Variants in TPR observed in about 807,000 individuals in gnomAD.
TPR encodes nucleoprotein TPR.
In TPR, 51 loss-of-function variants were observed where a neutral mutation model predicts 316.1. The observed-to-expected ratio is 0.16, with a 90% CI of 0.13 to 0.20. The LOEUF (loss-of-function observed/expected upper bound fraction) is 0.20. TPR is among the 10% of genes least tolerant of loss of function. TPR has a pLI of 1.00. For missense variants in TPR, 2,272 were observed against 2,754.8 expected (o/e 0.82, Z 3.92); for synonymous variants, 981 against 914.7 (o/e 1.07, Z -1.31).
chr1:186,336,965 G>A lies in TPR; in HGVS notation c.4506+48C>T, dbSNP rs1382622749. ...TCAGTAGTTAACACATATTTCTTTA[G>A]GTGTATAACAGGAAAGAATTAGGAA... On this transcript the variant is annotated intron_variant, in intron 32 of 50. Coordinates refer to ENST00000367478, the MANE Select transcript of TPR (RefSeq NM_003292.3). 5.0e-6 allele frequency: 8 copies of A among 1,607,418 alleles called. No individual in the cohort carries two copies. In the East Asian group the frequency reaches 1.8e-4, roughly 36 times the overall value.
At chr1:186,326,050 G>C in intron 41 of TPR, 54 bp downstream of exon 41, 1 of 1,606,904 alleles carries the variant, frequency 6.2e-7, no homozygotes, top group Non-Finnish European at 8.5e-7. Flanking sequence ...AAAACAGCAA[G>C]TGAAAGAAAG....
Position 186,360,263 on chromosome 1 carries a change from C to T in TPR, c.1191+10G>A. 2 of 1,611,088 alleles carry T rather than the reference C, an allele frequency of 1.2e-6. No individual in the cohort carries two copies. The highest frequency in any genetic ancestry group is 1.7e-6 in the Non-Finnish European group (2 of 1,178,422). The stretch of plus-strand genomic sequence containing the variant: ...AAAAAGAATTTAACAACATTTAATA[C>T]CATTCTTACCTCAGTTAGTTTCATC... On this transcript the variant is annotated intron_variant, in intron 11 of 50. Transcript: ENST00000367478.
intron 37 of TPR, among the ~76,000 whole-genome samples, chr1:186,332,558 G>A (rs1331238917): frequency 6.6e-6 from 1 of 152,106 alleles, no homozygotes; most frequent in African/African-American, 2.4e-5. Context: ...CTTATGCTCT[G>A]AGTCAATGTT....
intron 39 of TPR, among the ~76,000 whole-genome samples, chr1:186,328,681 A>C (rs997458001): frequency 6.6e-6 from 1 of 152,236 alleles, no homozygotes; most frequent in Non-Finnish European, 1.5e-5. Flanking sequence ...CACTGAATAC[A>C]TAAGTTAGTA....
Position 186,375,211 on chromosome 1 carries a change from C to T in TPR, c.-183G>A, listed in dbSNP as rs1659680083. The T allele has an allele frequency of 6.7e-7, 1 of 1,495,058 alleles. No homozygotes were observed. The highest frequency in any genetic ancestry group is 1.4e-5 in the African/African-American group (1 of 70,804). The allele number at this position is 1,495,058 out of a possible 1,614,324, so 92.6% of individuals were successfully genotyped here. On this transcript the variant is annotated 5_prime_UTR_variant, in exon 1 of 51. Transcript: ENST00000367478. ...CCTGGGAAATCGAGTCCACCCTCAG[C>T]GGCAGCGTTTCAGCAACAGCACCTC...
intron 4 of TPR, among the ~76,000 whole-genome samples, chr1:186,364,197 A>C (rs1273013547): frequency 6.6e-6 from 1 of 152,208 alleles, no homozygotes; most frequent in Non-Finnish European, 1.5e-5. Context: ...TAAACCTTGA[A>C]TAACAACATG....
At chr1:186,360,518 T>A (rs1410337876) in intron 10 of TPR, among the ~76,000 whole-genome samples, 154 bp from the exon 11 acceptor site, 1 of 152,060 alleles carries the variant, frequency 6.6e-6, no homozygotes, top group African/African-American at 2.4e-5. Flanking sequence ...GTAACACATC[T>A]AATTCTAAAA....
chr1:186,329,952 T>A (rs1205831799), intron 39 of TPR, among the ~76,000 whole-genome samples: 1 of 152,192 alleles, frequency 6.6e-6, no homozygotes, highest in Non-Finnish European at 1.5e-5. Flanking sequence ...TCCAATGCTA[T>A]GTGAACTTCG....
At chr1:186,327,069 A>AT (rs1491240914) in intron 40 of TPR, among the ~76,000 whole-genome samples, 9 of 24,632 alleles carry the variant, frequency 3.7e-4, no homozygotes, top group African/African-American at 1.5e-3. Flanking sequence ...TATTATATAT[A>AT]AATATATATA....
At chr1:186,327,418 C>A (rs768826176) in intron 40 of TPR, 42 bp downstream of exon 40, 1 of 1,592,238 alleles carries the variant, frequency 6.3e-7, no homozygotes, top group Non-Finnish European at 8.5e-7. Context: ...GCACTTTCAT[C>A]CAATAGTTTA....
intron 32 of TPR, 122 bp from the exon 33 acceptor site, chr1:186,336,816 T>C: frequency 7.5e-7 from 1 of 1,326,684 alleles, no homozygotes; most frequent in African/African-American, 1.5e-5. Flanking sequence ...GAAGTATAAG[T>C]ATAAAAATGG....
intron 47 of TPR, 29 bp from the exon 48 acceptor site, chr1:186,318,632 C>CT (rs777036862): frequency 3.0e-5 from 48 of 1,603,504 alleles, no homozygotes; most frequent in Non-Finnish European, 2.7e-5. Flanking sequence ...AGAAAAAGAA[C>CT]TTTAAAACTT....
chr1:186,343,533 G>A lies in TPR; in HGVS notation c.3603-60C>T, dbSNP rs1658576296. 27 of 1,514,230 alleles carry A rather than the reference G, an allele frequency of 1.8e-5. 1 individual carries two copies. In the South Asian group the frequency reaches 2.3e-4, roughly 13 times the overall value. The allele number at this position is 1,514,230 out of a possible 1,614,324, so 93.8% of individuals were successfully genotyped here. Reference sequence around the variant, plus strand: ...TTTTAAAAAGCCAACATTACAAAACGTAGGTAATTTGGTAAGATGACAAAA... The same window carrying A: ...TTTTAAAAAGCCAACATTACAAAACATAGGTAATTTGGTAAGATGACAAAA... On this transcript the variant is annotated intron_variant, in intron 26 of 50. Coordinates refer to ENST00000367478, the MANE Select transcript of TPR (RefSeq NM_003292.3).
At chr1:186,333,694 C>T (rs1658247625) in intron 36 of TPR, among the ~76,000 whole-genome samples, 1 of 152,044 alleles carries the variant, frequency 6.6e-6, no homozygotes, top group Admixed American at 6.6e-5. Flanking sequence ...TAGAATTTTT[C>T]ATTAAGCATC....
intron 14 of TPR, 70 bp from the exon 15 acceptor site, chr1:186,356,519 T>A (rs1659032826): frequency 1.4e-6 from 2 of 1,400,562 alleles, no homozygotes; most frequent in Non-Finnish European, 1.9e-6. Context: ...CTACTGTAAT[T>A]AACCAAGCAT....
Position 186,313,943 on chromosome 1 carries a change from T to C in TPR, c.*28A>G, listed in dbSNP as rs1334381026. On this transcript the variant is annotated 3_prime_UTR_variant, in exon 51 of 51. Coordinates refer to ENST00000367478, the MANE Select transcript of TPR (RefSeq NM_003292.3). ...CACTAAAACAGATTTGATAATCTTATTCACAGTTGTTATTGTTTACAGACC... is the reference window on the plus strand; with the variant it reads ...CACTAAAACAGATTTGATAATCTTACTCACAGTTGTTATTGTTTACAGACC... 1 of 1,604,850 alleles carries C rather than the reference T, an allele frequency of 6.2e-7. No homozygotes were observed. Among genetic ancestry groups the C allele is most frequent in the East Asian group, 2.2e-5 (1 of 44,722 alleles).
chr1:186,350,759 A>G (rs1416187740), intron 20 of TPR, among the ~76,000 whole-genome samples: 1 of 152,236 alleles, frequency 6.6e-6, no homozygotes, highest in Admixed American at 6.5e-5. Flanking sequence ...AGAGTTGCAC[A>G]CACAGAGTAC....
At position 186,332,976 on chromosome 1, in the gene TPR, C is replaced by T. The variant is rs1022564840; in HGVS notation, c.5455+146G>A. On this transcript the variant is annotated intron_variant, in intron 37 of 50. Coordinates refer to ENST00000367478, the MANE Select transcript of TPR (RefSeq NM_003292.3). ...GTATGCACAAAGAATACTTGTGATACGTATTATATCCAAGATATTATAATT... is the reference window on the plus strand; with the variant it reads ...GTATGCACAAAGAATACTTGTGATATGTATTATATCCAAGATATTATAATT... 4.0e-5 allele frequency: 36 copies of T among 895,758 alleles called. 1 individual carries two copies. The East Asian group carries it at 4.9e-4, about 12-fold the overall frequency. 55.5% of individuals were successfully genotyped at this position (895,758 alleles called of 1,614,324 possible).
intron 6 of TPR, 108 bp downstream of exon 6, chr1:186,362,729 T>A (rs1393128026): frequency 1.1e-5 from 11 of 977,084 alleles, no homozygotes; most frequent in African/African-American, 3.3e-5. Context: ...ATTTAACCAC[T>A]CATCTTACAA....
Sources: gnomAD v4.1 joint callset for allele counts (sites outside exome capture counted in the v4.1 genomes callset) on GRCh38, gnomAD v4.1.1 for gene constraint, MANE v1.5 for transcripts, NCBI Gene and HGNC (gene_info 2026-07-23, HGNC 2026-07-21) for gene names.